GLIS3: variants seen among roughly 807,000 people sequenced by gnomAD.
The protein encoded by GLIS3 is zinc finger protein GLIS3.
In GLIS3, 53 loss-of-function variants were observed where a neutral mutation model predicts 78.6. The ratio of observed to expected loss-of-function variants is 0.67; its 90% CI spans 0.54 to 0.85. The LOEUF (loss-of-function observed/expected upper bound fraction) is 0.85, where lower values mean the gene tolerates loss of function less well. GLIS3 is among the 40% of genes least tolerant of loss of function. GLIS3 has a pLI of 0.00. For synonymous variants in GLIS3, 684 were observed against 509.9 expected, an observed-to-expected ratio of 1.34 and a Z score of -4.60; for missense variants, 1,703 against 1,231.1, an observed-to-expected ratio of 1.38 and a Z score of -5.74.
At chr9:4,223,784 T>A (rs1298507720) in intron 2 of GLIS3, among the ~76,000 whole-genome samples, 1 of 152,200 alleles carries the variant, frequency 6.6e-6, no homozygotes, top group Non-Finnish European at 1.5e-5. Flanking sequence ...TTTTCTACAT[T>A]TTCTGGTTTT....
At chr9:4,013,011 G>A (rs1822155802) in intron 4 of GLIS3, among the ~76,000 whole-genome samples, 2 of 151,990 alleles carry the variant, frequency 1.3e-5, no homozygotes, top group South Asian at 4.2e-4. Flanking sequence ...GACCTCGTGT[G>A]ATCCTCCTGC....
chr9:4,424,288 T>G, the GLIS3 span, among the ~76,000 whole-genome samples: 1 of 152,200 alleles, frequency 6.6e-6, no homozygotes, highest in Non-Finnish European at 1.5e-5. Flanking sequence ...TGTGTATTTT[T>G]AAGTCTCTAT....
intron 2 of GLIS3, among the ~76,000 whole-genome samples, chr9:4,174,608 C>T (rs747997607): frequency 4.6e-5 from 7 of 152,136 alleles, no homozygotes; most frequent in Non-Finnish European, 1.0e-4. Flanking sequence ...ACCACAACTT[C>T]GCCTTTTATT....
chr9:4,315,101 G>A (rs10814923), intron 2 of GLIS3, among the ~76,000 whole-genome samples: 59,579 of 152,002 alleles, frequency 0.39, 12,002 homozygotes, highest in African/African-American at 0.48. Flanking sequence ...GTCTTTTCTC[G>A]GAGATACAAC....
chr9:4,096,122 T>C (rs979896288), intron 4 of GLIS3, among the ~76,000 whole-genome samples: 2 of 151,170 alleles, frequency 1.3e-5, no homozygotes, highest in African/African-American at 4.9e-5. Flanking sequence ...AAAACAAAGA[T>C]AAATTCATTG....
At position 3,826,238 on chromosome 9, in the gene GLIS3, A is replaced by G. The variant is rs193108375; in HGVS notation, c.*2034T>C. ...GTTCCTTGTAAAGGCTTCCATATTTAAGTATGAATAGATGGTTTCTCTGAA... is the reference window on the plus strand; with the variant it reads ...GTTCCTTGTAAAGGCTTCCATATTTGAGTATGAATAGATGGTTTCTCTGAA... On this transcript the variant is annotated 3_prime_UTR_variant, in exon 11 of 11. Transcript: ENST00000381971. 3.0e-3 allele frequency: 464 copies of G among 152,310 alleles called. 6 individuals are homozygous for G. Among genetic ancestry groups the G allele is most frequent in the African/African-American group, 0.011 (444 of 41,554 alleles). 9.4% of individuals were successfully genotyped at this position (152,310 alleles called of 1,614,324 possible). A position where few individuals can be genotyped will look rare whatever the true frequency, so the allele number is the denominator to read the frequency against.
chr9:4,214,040 G>C (rs7850095), intron 2 of GLIS3, among the ~76,000 whole-genome samples: 21,920 of 152,062 alleles, frequency 0.14, 1,795 homozygotes, highest in African/African-American at 0.22. Flanking sequence ...GTGCTGGAGT[G>C]AGTATGTGTA....
upstream of GLIS3, among the ~76,000 whole-genome samples, chr9:4,350,901 T>G (rs1227691921): frequency 6.6e-6 from 1 of 152,200 alleles, no homozygotes; most frequent in African/African-American, 2.4e-5. Flanking sequence ...CTACGTAATT[T>G]TGGGGCCCAG....
rs368999241 is a variant in GLIS3, at chr9:4,195,290, G to A, written c.389-69349C>T. On this transcript the variant is annotated intron_variant, in intron 2 of 10. Transcript: ENST00000381971. ...AGCTGCTCCCTTGGCTTGCAGGGAG[G>A]TGTGGAGGGAGAGGCGCGGGTGGGA... is the stretch of plus-strand genomic sequence containing the variant. Among the ~76,000 whole-genome samples the A allele has an allele frequency of 5.9e-5, 9 of 152,338 alleles. No homozygotes were observed. In the South Asian group the frequency reaches 1.2e-3, roughly 21 times the overall value.
intron 2 of GLIS3, among the ~76,000 whole-genome samples, chr9:4,219,321 C>T (rs927096834): frequency 6.6e-6 from 1 of 152,210 alleles, no homozygotes; most frequent in African/African-American, 2.4e-5. Context: ...CATGTTTTAA[C>T]TTAGAACTTT....
intron 2 of GLIS3, among the ~76,000 whole-genome samples, chr9:4,194,951 C>A (rs138622810): frequency 6.6e-6 from 1 of 152,314 alleles, no homozygotes; most frequent in East Asian, 1.9e-4. Flanking sequence ...CATTCTGTGA[C>A]AACCTGGCAG....
At chr9:4,305,458 G>A (rs552214671) in intron 4 of GLIS3, 9 of 152,212 alleles carry the variant, frequency 5.9e-5, no homozygotes, top group Non-Finnish European at 4.4e-5. Context: ...TATTGATAAG[G>A]AGCCCAGCCC....
chr9:4,008,060 C>G (rs961933178), intron 4 of GLIS3, among the ~76,000 whole-genome samples: 1 of 152,152 alleles, frequency 6.6e-6, no homozygotes, highest in Non-Finnish European at 1.5e-5. Context: ...GGCCTTAATT[C>G]CACAGTTTCT....
chr9:4,161,019 G>C lies in GLIS3; in HGVS notation c.389-35078C>G, dbSNP rs550250050. 2.7e-5 allele frequency among the ~76,000 whole-genome samples: 4 copies of C among 150,870 alleles called. No individual in the cohort carries two copies. In the South Asian group the frequency reaches 8.4e-4, roughly 32 times the overall value. Reference sequence around the variant, plus strand: ...AGCACTTAAGAAGGCTAAGGTGGAAGGATTGCTTCAAACCAGGAGTTCGAA... The same window carrying C: ...AGCACTTAAGAAGGCTAAGGTGGAACGATTGCTTCAAACCAGGAGTTCGAA... On this transcript the variant is annotated intron_variant, in intron 2 of 10. Transcript: ENST00000381971.
chr9:4,331,060 G>T (rs1000609011), intron 2 of GLIS3, among the ~76,000 whole-genome samples: 1 of 152,116 alleles, frequency 6.6e-6, no homozygotes, highest in Non-Finnish European at 1.5e-5. Context: ...GTTTCCTAAG[G>T]CTGCATAACA....
chr9:3,935,403 T>C (rs1825838639), intron 5 of GLIS3, among the ~76,000 whole-genome samples: 1 of 152,158 alleles, frequency 6.6e-6, no homozygotes, highest in African/African-American at 2.4e-5. Context: ...GAAACCACTA[T>C]ATTAGGTAGC....
At chr9:4,133,621 G>A (rs757077729) in intron 2 of GLIS3, among the ~76,000 whole-genome samples, 13 of 152,110 alleles carry the variant, frequency 8.5e-5, no homozygotes, top group Non-Finnish European at 1.9e-4. Flanking sequence ...TCCCAATGAG[G>A]TTAACACTAG....
chr9:4,195,058 T>C (rs1818684144), intron 2 of GLIS3, among the ~76,000 whole-genome samples: 1 of 152,228 alleles, frequency 6.6e-6, no homozygotes. Flanking sequence ...GAAAAGTGCC[T>C]CAGCAGTAGG....
chr9:3,988,931 CT>C (rs1819992562), intron 4 of GLIS3, among the ~76,000 whole-genome samples: 1 of 151,964 alleles, frequency 6.6e-6, no homozygotes, highest in African/African-American at 2.4e-5. Context: ...AAATTAGAAA[CT>C]TTTGTTTGGT....
Sources: gnomAD v4.1 joint callset for allele counts (sites outside exome capture counted in the v4.1 genomes callset) on GRCh38, gnomAD v4.1.1 for gene constraint, MANE v1.5 for transcripts, NCBI Gene and HGNC (gene_info 2026-07-23, HGNC 2026-07-21) for gene names.